Variants in COL4A4 observed in about 807,000 individuals in gnomAD.
COL4A4 encodes the protein collagen type IV alpha 4 chain.
COL4A4 carries 105 observed loss-of-function variants against 192.9 expected under a neutral mutation model. That is an observed-to-expected ratio of 0.54 (90% CI 0.46 to 0.64). The LOEUF (loss-of-function observed/expected upper bound fraction) is 0.64. Ranked by LOEUF, COL4A4 falls within the 30% of genes least tolerant of loss-of-function variation. The pLI, the probability that COL4A4 is intolerant of heterozygous loss-of-function variation, is 0.00. For synonymous variants in COL4A4, 762 were observed against 769.9 expected (o/e 0.99, Z 0.17); for missense variants, 1,967 against 2,169.3 (o/e 0.91, Z 1.85).
chr2:227,114,584 T>C, intron 8 of COL4A4, 44 bp downstream of exon 8: 1 of 1,523,668 alleles, frequency 6.6e-7, no homozygotes, highest in Non-Finnish European at 9.1e-7. Context: ...GCTTACCTAT[T>C]TGGAAGAAAA....
chr2:227,160,186 A>G (rs985881600), intron 1 of COL4A4, among the ~76,000 whole-genome samples: 3 of 152,258 alleles, frequency 2.0e-5, no homozygotes, highest in Non-Finnish European at 2.9e-5. Context: ...ACTTGAGACC[A>G]CACTATTCTA....
rs1457962299 is a variant in COL4A4, at chr2:227,140,246, G to A, written c.115-8C>T. 1 of 1,613,042 alleles carries A rather than the reference G, an allele frequency of 6.2e-7. No individual in the cohort carries two copies. Among genetic ancestry groups the A allele is most frequent in the South Asian group, 1.1e-5 (1 of 91,054 alleles). ...AATGTATTTCTTTCCACTCTGGAAAGTGAAGCATCTTATTTAGTATACCAG... is the reference window on the plus strand; with the variant it reads ...AATGTATTTCTTTCCACTCTGGAAAATGAAGCATCTTATTTAGTATACCAG... On this transcript the variant is annotated splice_region_variant and splice_polypyrimidine_tract_variant and intron_variant, in intron 3 of 47. Transcript: ENST00000396625.
At chr2:227,088,098 G>A (rs188269633) in intron 22 of COL4A4, among the ~76,000 whole-genome samples, 165 of 152,324 alleles carry the variant, frequency 1.1e-3, no homozygotes, top group Non-Finnish European at 1.8e-3. Context: ...ATACCAATTA[G>A]TTGAATAAGT....
In COL4A4 at chr2:227,008,115, G is replaced by A. The variant is rs1403985290; in HGVS notation, c.4712C>T (p.Ala1571Val). Residue 1571 changes from alanine (A) to valine (V), a missense_variant, in exon 47 of 48, where the codon GCC (alanine) becomes GTC (valine). By Grantham distance (64) the Ala-to-Val change is moderately conservative. Coordinates refer to ENST00000396625, the MANE Select transcript of COL4A4 (RefSeq NM_000092.5). The part of the protein sequence containing the change: ...PYVSRCAVCE[A>V]PAQAVAVHSQ... ...GTGCACCGCCACCGCCTGGGCCGGG[G>A]CCTCGCATACCGCACAGCGGCTGAC... 3 of 1,613,974 alleles carry A rather than the reference G, an allele frequency of 1.9e-6. No individual in the cohort carries two copies. The highest frequency in any genetic ancestry group is 2.7e-5 in the African/African-American group (2 of 74,952).
Position 227,029,036 on chromosome 2 carries a change from A to G in COL4A4, c.3974-1027T>C, listed in dbSNP as rs79926126. Among the ~76,000 whole-genome samples the G allele has an allele frequency of 2.1e-3, 314 of 152,292 alleles. 5 individuals carry two copies. Among genetic ancestry groups the G allele is most frequent in the East Asian group, 4.6e-3 (24 of 5,182 alleles). On this transcript the variant is annotated intron_variant, in intron 41 of 47. Transcript: ENST00000396625. Reference sequence around the variant, plus strand: ...ATATTCCTGCAGGTGCCTAAGAGATATTTGTCACTGTGTAAGTCATAAAAG... The same window carrying G: ...ATATTCCTGCAGGTGCCTAAGAGATGTTTGTCACTGTGTAAGTCATAAAAG...
Position 227,073,695 on chromosome 2 carries a change from G to C in COL4A4, c.1987+4199C>G, listed in dbSNP as rs557634442. Among the ~76,000 whole-genome samples, 154 of 152,136 alleles carry C rather than the reference G, an allele frequency of 1.0e-3. 1 individual carries two copies. Among genetic ancestry groups the C allele is most frequent in the Non-Finnish European group, 1.0e-3 (71 of 67,968 alleles). ...ACAGCATGGTACTGTTGTAAAAGTAGGCACATACACCAATGGAACAGCACA... is the reference window on the plus strand; with the variant it reads ...ACAGCATGGTACTGTTGTAAAAGTACGCACATACACCAATGGAACAGCACA... On this transcript the variant is annotated intron_variant, in intron 25 of 47. Transcript: ENST00000396625.
chr2:227,032,734 A>G (rs1038441450), intron 38 of COL4A4, among the ~76,000 whole-genome samples: 1 of 152,200 alleles, frequency 6.6e-6, no homozygotes, highest in Non-Finnish European at 1.5e-5. Context: ...ATCTTAAGTG[A>G]CTATATTACT....
At chr2:226,987,713 G>C in the COL4A4 span, among the ~76,000 whole-genome samples, 2 of 152,352 alleles carry the variant, frequency 1.3e-5, no homozygotes, top group East Asian at 3.9e-4. Flanking sequence ...GTGGACCCCA[G>C]ATATGAACCC....
At chr2:227,134,500 C>T (rs1431133999) in intron 4 of COL4A4, among the ~76,000 whole-genome samples, 1 of 152,146 alleles carries the variant, frequency 6.6e-6, no homozygotes, top group Non-Finnish European at 1.5e-5. Context: ...TGTTCTGAAC[C>T]ATGTATCAGG....
intron 20 of COL4A4, 81 bp from the exon 21 acceptor site, chr2:227,090,038 C>T (rs2150619262): frequency 9.4e-7 from 1 of 1,069,054 alleles, no homozygotes; most frequent in Non-Finnish European, 1.4e-6. Flanking sequence ...GACTTTTGCA[C>T]TCACATCCTC....
At chr2:226,969,301 G>T in the COL4A4 span, among the ~76,000 whole-genome samples, 2 of 150,850 alleles carry the variant, frequency 1.3e-5, no homozygotes, top group African/African-American at 4.9e-5. Context: ...TTCCTAATGG[G>T]CTAAAAGAAT....
intron 44 of COL4A4, among the ~76,000 whole-genome samples, chr2:227,016,936 C>T (rs1301303440): frequency 6.6e-6 from 1 of 152,160 alleles, no homozygotes; most frequent in African/African-American, 2.4e-5. Context: ...GGTGACTGGG[C>T]AGAAACCTCT....
chr2:227,102,902 GGGAAAGCAATATTTCAGCAATA>G, intron 14 of COL4A4, 54 bp from the exon 15 acceptor site: 1 of 192,244 alleles, frequency 5.2e-6, no homozygotes, highest in South Asian at 5.7e-5. Flanking sequence ...TTCAGCAATA[GGGAAAGCAATATTTCAGCAATA>G]GGGAAAAAAA....
the COL4A4 span, among the ~76,000 whole-genome samples, chr2:226,986,894 G>A: frequency 6.6e-6 from 1 of 152,198 alleles, no homozygotes; most frequent in African/African-American, 2.4e-5. Context: ...GCTTATTGTA[G>A]CACTATTCAT....
intron 1 of COL4A4, among the ~76,000 whole-genome samples, chr2:227,152,451 A>AATGAGC (rs1280458251): frequency 6.6e-6 from 1 of 152,188 alleles, no homozygotes; most frequent in Admixed American, 6.5e-5. Flanking sequence ...CTCTGTCTTG[A>AATGAGC]ATGAGCTGCT....
the COL4A4 span, chr2:226,997,360 A>G: frequency 6.6e-6 from 1 of 152,218 alleles, no homozygotes; most frequent in South Asian, 2.1e-4. Flanking sequence ...TGCCACTTTT[A>G]TAGCATTTGG....
At chr2:227,016,943 C>T (rs1965011016) in intron 44 of COL4A4, among the ~76,000 whole-genome samples, 1 of 152,170 alleles carries the variant, frequency 6.6e-6, no homozygotes, top group Admixed American at 6.5e-5. Context: ...GGGCAGAAAC[C>T]TCTCCCCGGG....
At chr2:227,156,355 G>A (rs1024424149) in intron 1 of COL4A4, among the ~76,000 whole-genome samples, 16 of 150,172 alleles carry the variant, frequency 1.1e-4, no homozygotes, top group Non-Finnish European at 2.1e-4. Flanking sequence ...TGGAGATCAG[G>A]CCACTGCAGC....
chr2:227,039,970 T>C (rs1185710531), intron 37 of COL4A4, among the ~76,000 whole-genome samples: 3 of 152,186 alleles, frequency 2.0e-5, no homozygotes, highest in Admixed American at 6.5e-5. Context: ...TGTGTGAAAA[T>C]ACATGAGTAT....
Sources: allele counts gnomAD v4.1 joint callset (sites outside exome capture counted in the v4.1 genomes callset), GRCh38; gene constraint gnomAD v4.1.1; transcripts MANE v1.5; gene names NCBI Gene and HGNC (gene_info 2026-07-23, HGNC 2026-07-21).